Variants in TMED5 observed in about 807,000 individuals in gnomAD.
TMED5 encodes the protein transmembrane emp24 domain-containing protein 5.
Under a neutral mutation model 23.0 loss-of-function variants are expected in TMED5, and 27 were observed. That is an observed-to-expected ratio of 1.17 (90% confidence interval 0.86 to 1.62). The LOEUF is 1.62. Among genes scored for constraint, TMED5 ranks in the 40% most tolerant of loss-of-function variants. The probability of loss-of-function intolerance (pLI) is 0.00; values close to 1 mark genes in which losing one functional copy is unlikely to be tolerated. For missense variants in TMED5, 248 were observed against 273.7 expected, an observed-to-expected ratio of 0.91 and a Z score of 0.66; for synonymous variants, 97 against 100.8, an observed-to-expected ratio of 0.96 and a Z score of 0.23.
Position 93,154,451 on chromosome 1 carries a change from A to G in TMED5, c.*219T>C, listed in dbSNP as rs916805626. The G allele has an allele frequency of 7.2e-6, 4 of 556,752 alleles. No homozygotes were observed. Among genetic ancestry groups the G allele is most frequent in the East Asian group, 3.0e-5 (1 of 33,064 alleles). The allele number at this position is 556,752 out of a possible 1,614,324, so 34.5% of individuals were successfully genotyped here. A position where few individuals can be genotyped will look rare whatever the true frequency, so the allele number is the denominator to read the frequency against. Reference sequence around the variant, plus strand: ...AATATGGCTTCATTCAGTTAAACCTATATTCTGCAAAATATTCCTGTTACA... The same window carrying G: ...AATATGGCTTCATTCAGTTAAACCTGTATTCTGCAAAATATTCCTGTTACA... On this transcript the variant is annotated 3_prime_UTR_variant, in exon 4 of 4. Coordinates refer to ENST00000370282, the MANE Select transcript of TMED5 (RefSeq NM_016040.5).
rs1279077394 is a variant in TMED5, at chr1:93,151,475, G to T, written c.*3195C>A. The T allele has an allele frequency of 6.6e-6, 1 of 152,174 alleles. No individual in the cohort carries two copies. The allele number at this position is 152,174 out of a possible 1,614,324, so 9.4% of individuals were successfully genotyped here. On this transcript the variant is annotated 3_prime_UTR_variant, in exon 4 of 4. Transcript: ENST00000370282. ...GCAAATGATCCAAGGATAACTGACA[G>T]GATTCTATATTGTGTTGGTTGAAAA...
chr1:93,154,741 C>T lies in TMED5; in HGVS notation c.619G>A (p.Val207Met). The change falls in exon 4 of 4, where the codon GTG (valine) becomes ATG (methionine). Residue 207 changes from valine to methionine, a missense_variant. Val to Met is a conservative substitution (Grantham distance 21). Coordinates refer to ENST00000370282, the MANE Select transcript of TMED5 (RefSeq NM_016040.5). ...TAAACTTGAATGGCTGACACCACCACCATGACCACTAAATTAACCATAGAC... is the reference window on the plus strand; with the variant it reads ...TAAACTTGAATGGCTGACACCACCATCATGACCACTAAATTAACCATAGAC... ...FWSMVNLVVM[V>M]VVSAIQVYML... The T allele has an allele frequency of 1.2e-6, 2 of 1,614,086 alleles. No individual in the cohort carries two copies. The highest frequency in any genetic ancestry group is 1.7e-6 in the Non-Finnish European group (2 of 1,180,014).
At chr1:93,175,018 G>A in intron 1 of TMED5, among the ~76,000 whole-genome samples, 2 of 146,540 alleles carry the variant, frequency 1.4e-5, no homozygotes, top group South Asian at 2.1e-4. Context: ...TAATGGGATT[G>A]CTGGAGACCC....
Position 93,149,787 on chromosome 1 carries a change from A to G in TMED5, c.*4883T>C, listed in dbSNP as rs1647809103. 6.6e-6 allele frequency: 1 copy of G among 152,178 alleles called. No individual in the cohort carries two copies. 9.4% of individuals were successfully genotyped at this position (152,178 alleles called of 1,614,324 possible). On this transcript the variant is annotated 3_prime_UTR_variant, in exon 4 of 4. Transcript: ENST00000370282. ...TACAATATATTGTTGTAATTGTTCC[A>G]TTTTGTTAGCTATTGTTAATCTCTT...
chr1:93,154,698 A>G lies in TMED5; in HGVS notation c.662T>C (p.Phe221Ser), dbSNP rs1367277085. The part of the protein sequence containing the change: ...AIQVYMLKSL[F>S]EDKRKSRT ...AGTTCTACTTTTCCTCTTATCTTCA[A>G]ACAGACTCTTCAGCATATAAACTTG... The change falls in exon 4 of 4, where the codon TTT (phenylalanine) becomes TCT (serine). Residue 221 changes from phenylalanine (F) to serine (S), a missense_variant. Coordinates refer to ENST00000370282, the MANE Select transcript of TMED5 (RefSeq NM_016040.5). The G allele has an allele frequency of 6.2e-7, 1 of 1,613,796 alleles. No homozygotes were observed. Among genetic ancestry groups the G allele is most frequent in the Non-Finnish European group, 8.5e-7 (1 of 1,179,954 alleles).
At position 93,169,882 on chromosome 1, in the gene TMED5, T is replaced by TACACACACACACACACAC. The variant is rs59467244; in HGVS notation, c.190-9674_190-9657dup. On this transcript the variant is annotated intron_variant, in intron 1 of 3. Coordinates refer to ENST00000370282, the MANE Select transcript of TMED5 (RefSeq NM_016040.5). ...AGGCAGCAAAGTGAGACCCTGTCTG[T>TACACACACACACACACAC]ACACACACACACACACACACACACA... 2.0e-3 allele frequency among the ~76,000 whole-genome samples: 264 copies of TACACACACACACACACAC among 130,594 alleles called. 5 individuals carry two copies. Among genetic ancestry groups the TACACACACACACACACAC allele is most frequent in the East Asian group, 6.8e-3 (28 of 4,110 alleles). 85.7% of individuals were successfully genotyped at this position (130,594 alleles called of 152,430 possible).
intron 3 of TMED5, among the ~76,000 whole-genome samples, chr1:93,155,532 G>GTTTTTTTTTTTTTT (rs547977053): frequency 7.7e-6 from 1 of 130,166 alleles, no homozygotes. Flanking sequence ...AATGACTAAG[G>GTTTTTTTTTTTTTT]TTTTTTTTTT....
intron 1 of TMED5, among the ~76,000 whole-genome samples, chr1:93,169,008 C>T (rs1254489401): frequency 3.3e-5 from 5 of 152,164 alleles, no homozygotes; most frequent in Non-Finnish European, 4.4e-5. Context: ...CTGGAGACTG[C>T]GACATCCCTC....
rs1471583365 is a variant in TMED5, at chr1:93,152,824, A to G, written c.*1846T>C. The G allele has an allele frequency of 6.6e-6, 1 of 152,592 alleles. No homozygotes were observed. The highest frequency in any genetic ancestry group is 6.5e-5 in the Admixed American group (1 of 15,276). The allele number at this position is 152,592 out of a possible 1,614,324, so 9.5% of individuals were successfully genotyped here. On this transcript the variant is annotated 3_prime_UTR_variant, in exon 4 of 4. Coordinates refer to ENST00000370282, the MANE Select transcript of TMED5 (RefSeq NM_016040.5). ...GCAAAAGGGAGGGGTATTCATAGGC[A>G]AGGATCTTATTGACCTTTGTTCTGC...
Position 93,152,057 on chromosome 1 carries a change from T to G in TMED5, c.*2613A>C, listed in dbSNP as rs1647898028. The G allele has an allele frequency of 6.6e-6, 1 of 152,642 alleles. No homozygotes were observed. Among genetic ancestry groups the G allele is most frequent in the Admixed American group, 6.5e-5 (1 of 15,280 alleles). The allele number at this position is 152,642 out of a possible 1,614,324, so 9.5% of individuals were successfully genotyped here. The stretch of plus-strand genomic sequence containing the variant: ...TGAGGAGACATACAATTGTAAGTGC[T>G]CATTTTTTGTCAATTTTAAGACACC... On this transcript the variant is annotated 3_prime_UTR_variant, in exon 4 of 4. Transcript: ENST00000370282.
In TMED5 at chr1:93,150,636, T is replaced by C. The variant is rs1647840942; in HGVS notation, c.*4034A>G. 6.6e-6 allele frequency: 1 copy of C among 152,238 alleles called. No individual in the cohort carries two copies. The highest frequency in any genetic ancestry group is 2.4e-5 in the African/African-American group (1 of 41,458). The allele number at this position is 152,238 out of a possible 1,614,324, so 9.4% of individuals were successfully genotyped here. ...GCAAAACAACTCTAAAATTTATCAT[T>C]TGGAACTGTCTTTTCTTTCTGCAAT... On this transcript the variant is annotated 3_prime_UTR_variant, in exon 4 of 4. Transcript: ENST00000370282.
intron 1 of TMED5, among the ~76,000 whole-genome samples, chr1:93,176,290 G>A (rs185901485): frequency 3.0e-4 from 46 of 151,696 alleles, no homozygotes; most frequent in African/African-American, 9.4e-4. Flanking sequence ...CCATTGTCTC[G>A]TACCACTCAT....
chr1:93,179,199 TA>T (rs1206525451), intron 1 of TMED5, among the ~76,000 whole-genome samples: 4 of 152,040 alleles, frequency 2.6e-5, no homozygotes, highest in Non-Finnish European at 4.4e-5. Context: ...CCGTCTCTAC[TA>T]AAAATACAAA....
intron 1 of TMED5, among the ~76,000 whole-genome samples, chr1:93,173,868 CTA>C (rs1247828135): frequency 6.6e-6 from 1 of 152,180 alleles, no homozygotes; most frequent in Non-Finnish European, 1.5e-5. Context: ...CCATCAAACC[CTA>C]TATGTTTTTA....
intron 1 of TMED5, among the ~76,000 whole-genome samples, chr1:93,166,512 C>G (rs145726225): frequency 2.3e-3 from 347 of 152,236 alleles, no homozygotes; most frequent in African/African-American, 8.1e-3. Flanking sequence ...CTCTGATGAT[C>G]AATGATGTTG....
intron 1 of TMED5, among the ~76,000 whole-genome samples, chr1:93,163,540 C>T (rs1470803870): frequency 2.6e-5 from 4 of 151,660 alleles, no homozygotes; most frequent in Admixed American, 1.3e-4. Context: ...TGGGGTTTCA[C>T]CATGTTGGCC....
intron 1 of TMED5, among the ~76,000 whole-genome samples, chr1:93,169,882 T>C (rs1423742627): frequency 3.8e-5 from 5 of 130,502 alleles, no homozygotes; most frequent in African/African-American, 8.7e-5. Context: ...ACCCTGTCTG[T>C]ACACACACAC....
chr1:93,167,068 T>C (rs559925749), intron 1 of TMED5, among the ~76,000 whole-genome samples: 2 of 152,338 alleles, frequency 1.3e-5, no homozygotes, highest in African/African-American at 4.8e-5. Flanking sequence ...ATGAGTTCAC[T>C]GTAAGTGTAT....
chr1:93,158,793 C>A, intron 2 of TMED5: 1 of 279,514 alleles, frequency 3.6e-6, no homozygotes, highest in Non-Finnish European at 5.4e-6. Context: ...GTCTCAATTT[C>A]TTGACCTCGT....
Sources: gnomAD v4.1 joint callset for allele counts (sites outside exome capture counted in the v4.1 genomes callset) on GRCh38, gnomAD v4.1.1 for gene constraint, MANE v1.5 for transcripts, NCBI Gene and HGNC (gene_info 2026-07-23, HGNC 2026-07-21) for gene names.